ITGA9: variants seen among roughly 807,000 people sequenced by gnomAD.
The protein encoded by ITGA9 is integrin alpha-9.
In ITGA9, 56 loss-of-function variants were observed where a neutral mutation model predicts 127.8. The observed-to-expected ratio is 0.44, with a 90% CI of 0.35 to 0.55. ITGA9 has a LOEUF of 0.55. Among genes scored for constraint, ITGA9 ranks in the 20% least tolerant of loss-of-function variants. The pLI is 0.00. For synonymous variants in ITGA9, 508 were observed against 514.5 expected (o/e 0.99, Z 0.17); for missense variants, 1,196 against 1,347.1 (o/e 0.89, Z 1.76).
intron 18 of ITGA9, among the ~76,000 whole-genome samples, chr3:37,702,970 T>G (rs926812535): frequency 1.3e-4 from 20 of 152,004 alleles, no homozygotes; most frequent in Admixed American, 8.5e-4. Flanking sequence ...GGAAAAGAGC[T>G]CTGCCTCCCG....
rs538658483 is a variant in ITGA9 at position 37,626,004 on chromosome 3, A to G, written c.1690-3183A>G. ...CAGGAAGCAGCATTCGCACCCCTAC[A>G]TGTCCAAATGCATTACTCATCCAAA... On this transcript the variant is annotated intron_variant, in intron 15 of 27. Coordinates refer to ENST00000264741, the MANE Select transcript of ITGA9 (RefSeq NM_002207.3). Among the ~76,000 whole-genome samples, 7 of 152,276 alleles carry G rather than the reference A, an allele frequency of 4.6e-5. No homozygotes were observed. In the South Asian group the frequency reaches 1.5e-3, roughly 32 times the overall value.
chr3:37,630,324 C>T (rs11707849), intron 16 of ITGA9, among the ~76,000 whole-genome samples: 471 of 152,224 alleles, frequency 3.1e-3, no homozygotes, highest in Non-Finnish European at 5.2e-3. Context: ...AGTGGGGTTC[C>T]CTAGAAGCAG....
chr3:37,596,588 C>A (rs977782098), intron 15 of ITGA9, among the ~76,000 whole-genome samples: 3 of 152,108 alleles, frequency 2.0e-5, no homozygotes, highest in Non-Finnish European at 4.4e-5. Flanking sequence ...CTGAGAATGT[C>A]CTGCTCCCCC....
intron 5 of ITGA9, among the ~76,000 whole-genome samples, chr3:37,496,965 C>A (rs969960918): frequency 6.6e-6 from 1 of 152,166 alleles, no homozygotes; most frequent in Non-Finnish European, 1.5e-5. Context: ...GTTGACACTC[C>A]CCTGCATTGC....
intron 18 of ITGA9, among the ~76,000 whole-genome samples, chr3:37,686,542 A>G (rs1009462334): frequency 2.0e-5 from 3 of 152,188 alleles, no homozygotes; most frequent in Admixed American, 2.0e-4. Context: ...GCCATTGGCC[A>G]CTGTAGCTGG....
intron 22 of ITGA9, among the ~76,000 whole-genome samples, chr3:37,747,768 C>T (rs1475929845): frequency 1.3e-5 from 2 of 148,192 alleles, no homozygotes; most frequent in African/African-American, 5.0e-5. Flanking sequence ...CACTGTCACT[C>T]AGGCTGCTGG....
chr3:37,470,530 G>A (rs1440724749), intron 1 of ITGA9, among the ~76,000 whole-genome samples: 2 of 152,192 alleles, frequency 1.3e-5, no homozygotes, highest in Non-Finnish European at 2.9e-5. Flanking sequence ...GGCCTATTCT[G>A]TTGACTTGTC....
intron 17 of ITGA9, among the ~76,000 whole-genome samples, chr3:37,667,011 A>G (rs960126959): frequency 6.6e-6 from 1 of 152,156 alleles, no homozygotes; most frequent in Non-Finnish European, 1.5e-5. Context: ...TAGCTATGGG[A>G]AAAGGCCCTT....
intron 16 of ITGA9, 60 bp from the exon 17 acceptor site, chr3:37,653,654 A>G: frequency 8.4e-7 from 1 of 1,193,888 alleles, no homozygotes; most frequent in Non-Finnish European, 1.3e-6. Flanking sequence ...GGAATTGGCC[A>G]CTGTGTACTC....
intron 22 of ITGA9, chr3:37,746,047 A>G (rs575274434): frequency 6.6e-5 from 10 of 152,310 alleles, no homozygotes; most frequent in Admixed American, 6.5e-4. Context: ...TTGTCTGACT[A>G]CTTATTTATT....
chr3:37,567,948 G>A (rs1367715744), intron 15 of ITGA9, among the ~76,000 whole-genome samples: 1 of 152,152 alleles, frequency 6.6e-6, no homozygotes, highest in East Asian at 1.9e-4. Flanking sequence ...GGGTCTGGAG[G>A]ATGGGGGCCG....
At chr3:37,484,147 T>G (rs895451113) in intron 4 of ITGA9, among the ~76,000 whole-genome samples, 2 of 152,150 alleles carry the variant, frequency 1.3e-5, no homozygotes, top group African/African-American at 4.8e-5. Context: ...GCACACACAC[T>G]TTTATATGCT....
chr3:37,748,197 G>C (rs562628079), intron 22 of ITGA9: 10 of 455,922 alleles, frequency 2.2e-5, no homozygotes, highest in Non-Finnish European at 3.8e-5. Context: ...TTTTGGCCAC[G>C]TGTATGCAAA....
chr3:37,720,516 C>T (rs1446657053), intron 18 of ITGA9, among the ~76,000 whole-genome samples: 1 of 152,134 alleles, frequency 6.6e-6, no homozygotes. Context: ...TAAGAATTTG[C>T]AGCCTCCGAG....
chr3:37,670,237 G>A (rs905628718), intron 17 of ITGA9, among the ~76,000 whole-genome samples: 10 of 152,088 alleles, frequency 6.6e-5, no homozygotes, highest in Non-Finnish European at 7.3e-5. Flanking sequence ...GAATTGAGGT[G>A]AATGAAGTCA....
chr3:37,488,116 A>C (rs1221962624), intron 4 of ITGA9, among the ~76,000 whole-genome samples: 2 of 151,954 alleles, frequency 1.3e-5, no homozygotes, highest in East Asian at 3.9e-4. Flanking sequence ...TTTTATTTTT[A>C]TTTTTTGGTT....
At chr3:37,670,702 A>G (rs1177053243) in intron 17 of ITGA9, among the ~76,000 whole-genome samples, 5 of 152,160 alleles carry the variant, frequency 3.3e-5, no homozygotes, top group African/African-American at 1.2e-4. Flanking sequence ...TTTATTTAAT[A>G]TGTTTTTTTT....
intron 16 of ITGA9, among the ~76,000 whole-genome samples, chr3:37,641,227 G>A (rs1700330217): frequency 6.6e-6 from 1 of 152,196 alleles, no homozygotes; most frequent in Non-Finnish European, 1.5e-5. Context: ...ATGAGCAGAG[G>A]CATTAGATTC....
chr3:37,483,050 CT>C (rs1698572598), intron 4 of ITGA9, among the ~76,000 whole-genome samples: 1 of 152,180 alleles, frequency 6.6e-6, no homozygotes, highest in African/African-American at 2.4e-5. Flanking sequence ...GGAAAAGCCT[CT>C]GGAACAACCG....
Sources: allele counts gnomAD v4.1 joint callset (sites outside exome capture counted in the v4.1 genomes callset), GRCh38; gene constraint gnomAD v4.1.1; transcripts MANE v1.5; gene names NCBI Gene and HGNC (gene_info 2026-07-23, HGNC 2026-07-21).